The following INPP5F variants were observed in gnomAD, a reference collection of about 807,000 sequenced individuals.
The protein encoded by INPP5F is phosphatidylinositide 4-phosphatase SAC2.
In INPP5F, 97 loss-of-function variants were observed where a neutral mutation model predicts 137.2. The observed-to-expected ratio is 0.71, with a 90% CI of 0.60 to 0.84. The LOEUF (loss-of-function observed/expected upper bound fraction) is 0.84. INPP5F is among the 40% of genes least tolerant of loss of function. The pLI, the probability that INPP5F is intolerant of heterozygous loss-of-function variation, is 0.00. For synonymous variants in INPP5F, 504 were observed against 476.9 expected, an observed-to-expected ratio of 1.06 and a Z score of -0.74; for missense variants, 1,271 against 1,371.9, an observed-to-expected ratio of 0.93 and a Z score of 1.16.
chr10:119,813,939 A>G (rs1170884029), intron 15 of INPP5F, among the ~76,000 whole-genome samples: 1 of 152,182 alleles, frequency 6.6e-6, no homozygotes, highest in African/African-American at 2.4e-5. Flanking sequence ...TTTCTTCATT[A>G]ACATGATGAA....
Position 119,827,464 on chromosome 10 carries a change from T to C in INPP5F, c.3083T>C (p.Val1028Ala). 1 of 1,614,208 alleles carries C rather than the reference T, an allele frequency of 6.2e-7. No homozygotes were observed. The highest frequency in any genetic ancestry group is 8.5e-7 in the Non-Finnish European group (1 of 1,180,032). Reference protein sequence around the residue: ...LSATGPQFLSVEPAHSVASQK... With the variant: ...LSATGPQFLSAEPAHSVASQK... ...GCAACAGGCCCACAGTTTTTGTCAG[T>C]TGAGCCAGCGCATTCAGTTGCATCT... Residue 1028 changes from valine (V) to alanine (A), a missense_variant, in exon 20 of 20, where the codon GTT becomes GCT. Coordinates refer to ENST00000650623, the MANE Select transcript of INPP5F (RefSeq NM_014937.4).
At chr10:119,741,035 A>C (rs1848359248) in intron 1 of INPP5F, among the ~76,000 whole-genome samples, 1 of 152,192 alleles carries the variant, frequency 6.6e-6, no homozygotes, top group Non-Finnish European at 1.5e-5. Context: ...TGTCCGGCTA[A>C]GTTAGATGGA....
intron 6 of INPP5F, among the ~76,000 whole-genome samples, chr10:119,796,283 A>G (rs1850379153): frequency 6.6e-6 from 1 of 152,338 alleles, no homozygotes; most frequent in East Asian, 1.9e-4. Flanking sequence ...TATTTTATTA[A>G]AGCCTTAATA....
intron 15 of INPP5F, among the ~76,000 whole-genome samples, chr10:119,818,479 C>G (rs1244132783): frequency 6.6e-6 from 1 of 152,244 alleles, no homozygotes; most frequent in Non-Finnish European, 1.5e-5. Context: ...GCCAGCGCCC[C>G]CCTCCAGCCG....
At chr10:119,753,250 C>A (rs1428437800) in intron 2 of INPP5F, among the ~76,000 whole-genome samples, 2 of 152,148 alleles carry the variant, frequency 1.3e-5, no homozygotes, top group East Asian at 3.8e-4. Flanking sequence ...CATTTTCAGT[C>A]ACATCTTAGC....
intron 11 of INPP5F, 77 bp downstream of exon 11, chr10:119,805,538 C>G: frequency 1.0e-6 from 1 of 982,702 alleles, no homozygotes; most frequent in Non-Finnish European, 1.6e-6. Context: ...AAACTGATAG[C>G]AGCATGCAGA....
rs1451905861 is a variant in INPP5F at position 119,781,745 on chromosome 10, A to G, written c.289A>G (p.Met97Val). Residue 97 changes from methionine to valine, a missense_variant, in exon 3 of 20, where the codon ATG becomes GTG. Physicochemically the swap from Met to Val is conservative, Grantham distance 21. Around this residue, in one of 6 missense-constraint regions of INPP5F, gnomAD observed 6 missense variants for 21.8 expected, o/e 0.28. Transcript: ENST00000650623. The stretch of plus-strand genomic sequence containing the variant: ...AATTGCTGTGCTCTCACTTTCTGAA[A>G]TGGAACCTCAGGATCTTGAGCTAGA... ...TKIAVLSLSE[M>V]EPQDLELELC... The G allele has an allele frequency of 1.2e-6, 2 of 1,608,740 alleles. No individual in the cohort carries two copies. The highest frequency in any genetic ancestry group is 8.5e-7 in the Non-Finnish European group (1 of 1,175,962).
intron 6 of INPP5F, among the ~76,000 whole-genome samples, chr10:119,795,999 G>A (rs1456140803): frequency 1.2e-3 from 181 of 151,586 alleles, no homozygotes; most frequent in African/African-American, 4.3e-3. Context: ...AATCAGGCAG[G>A]GAGGTTGCAG....
chr10:119,790,027 T>C (rs1166450405), intron 3 of INPP5F, among the ~76,000 whole-genome samples: 1 of 42,206 alleles, frequency 2.4e-5, no homozygotes, highest in African/African-American at 9.9e-5. Context: ...CTTGGGAGAG[T>C]GGTAGGGGTG....
intron 13 of INPP5F, among the ~76,000 whole-genome samples, chr10:119,808,289 G>A (rs1850880724): frequency 6.6e-6 from 1 of 152,196 alleles, no homozygotes; most frequent in Non-Finnish European, 1.5e-5. Context: ...TGCTCTCTCT[G>A]GAGGGGCCTA....
At chr10:119,781,024 T>G (rs1384111118) in intron 2 of INPP5F, among the ~76,000 whole-genome samples, 1 of 152,218 alleles carries the variant, frequency 6.6e-6, no homozygotes, top group African/African-American at 2.4e-5. Context: ...GAATCCTTCC[T>G]TATTAATTCA....
intron 9 of INPP5F, among the ~76,000 whole-genome samples, chr10:119,800,129 C>T (rs996549600): frequency 6.6e-6 from 1 of 151,474 alleles, no homozygotes; most frequent in African/African-American, 2.4e-5. Context: ...AAACTTGATA[C>T]ATTTGGCTTT....
chr10:119,783,273 T>G (rs961081215), intron 3 of INPP5F, among the ~76,000 whole-genome samples: 4 of 152,232 alleles, frequency 2.6e-5, no homozygotes, highest in African/African-American at 9.6e-5. Flanking sequence ...ATGGTTTTGC[T>G]GACACACTGA....
At chr10:119,752,557 C>T (rs1213183167) in intron 2 of INPP5F, among the ~76,000 whole-genome samples, 1 of 149,826 alleles carries the variant, frequency 6.7e-6, no homozygotes, top group Non-Finnish European at 1.5e-5. Context: ...TGCACTCCAG[C>T]CTGGGCAACA....
At chr10:119,805,255 T>G (rs534956413) in intron 10 of INPP5F, 129 bp from the exon 11 acceptor site, 4 of 646,860 alleles carry the variant, frequency 6.2e-6, no homozygotes, top group South Asian at 3.9e-5. Flanking sequence ...TATAGTAGTA[T>G]TAACCTCATA....
At chr10:119,734,095 G>A (rs1848158509) in intron 1 of INPP5F, among the ~76,000 whole-genome samples, 1 of 152,192 alleles carries the variant, frequency 6.6e-6, no homozygotes, top group African/African-American at 2.4e-5. Flanking sequence ...ATTCAGTGAA[G>A]CAGGAATCTC....
At chr10:119,806,523 G>T in intron 12 of INPP5F, 43 bp downstream of exon 12, 2 of 1,526,422 alleles carry the variant, frequency 1.3e-6, no homozygotes, top group Admixed American at 2.3e-5. Context: ...ATTTCGAAAT[G>T]CTTTTTTTTT....
rs553482180 is a variant in INPP5F at position 119,789,913 on chromosome 10, G to A, written c.316-1604G>A. Among the ~76,000 whole-genome samples the A allele has an allele frequency of 3.9e-5, 6 of 151,900 alleles. No individual in the cohort carries two copies. In the East Asian group the frequency reaches 5.9e-4, roughly 15 times the overall value. ...CAGTAGGAAGGAGCCAGGTGAAGCCGTGTGTTGTAGGATGAGGGAGGGACT... is the reference window on the plus strand; with the variant it reads ...CAGTAGGAAGGAGCCAGGTGAAGCCATGTGTTGTAGGATGAGGGAGGGACT... On this transcript the variant is annotated intron_variant, in intron 3 of 19. Transcript: ENST00000650623.
In INPP5F at chr10:119,781,765, G is replaced by A; in HGVS notation, c.309G>A (p.Glu103=). The change falls in exon 3 of 20, where the codon GAG becomes GAA. Residue 103 remains glutamate (E), a synonymous_variant. Transcript: ENST00000650623. ...SLSEMEPQDL[E]LELCKKHHFG... is the part of the protein sequence containing the mutation. ...CTGAAATGGAACCTCAGGATCTTGA[G>A]CTAGAGGTAGGTGAAATAAAGGGAA... The A allele has an allele frequency of 6.3e-7, 1 of 1,597,232 alleles. No homozygotes were observed. Among genetic ancestry groups the A allele is most frequent in the African/African-American group, 1.3e-5 (1 of 74,780 alleles).
Sources: allele counts gnomAD v4.1 joint callset (sites outside exome capture counted in the v4.1 genomes callset), GRCh38; gene constraint gnomAD v4.1.1; regional missense constraint gnomAD v4.1.1; transcripts MANE v1.5; gene names NCBI Gene and HGNC (gene_info 2026-07-23, HGNC 2026-07-21).